The following UNC13D variants were observed in gnomAD, a reference collection of about 807,000 sequenced individuals.
UNC13D encodes unc-13 homolog D.
Under a neutral mutation model 151.7 loss-of-function variants are expected in UNC13D, and 115 were observed. The ratio of observed to expected loss-of-function variants is 0.76; its 90% confidence interval spans 0.65 to 0.88. The LOEUF (loss-of-function observed/expected upper bound fraction) is 0.88. Among genes scored for constraint, UNC13D ranks in the 40% least tolerant of loss-of-function variants. The pLI, the probability that UNC13D is intolerant of heterozygous loss-of-function variation, is 0.00. For synonymous variants in UNC13D, 588 were observed against 612.2 expected (o/e 0.96, Z 0.58); for missense variants, 1,369 against 1,438.7 (o/e 0.95, Z 0.78).
Position 75,844,330 on chromosome 17 carries a change from G to A in UNC13D, c.8C>T (p.Thr3Ile). 1.9e-6 allele frequency: 3 copies of A among 1,610,168 alleles called. No individual in the cohort carries two copies. The highest frequency in any genetic ancestry group is 2.2e-5 in the South Asian group (2 of 90,692). Residue 3 changes from threonine to isoleucine, a missense_variant, in exon 1 of 32, where the codon ACA becomes ATA. By Grantham distance (89) the Thr-to-Ile change is moderately conservative (BLOSUM62 -1). Coordinates refer to ENST00000207549, the MANE Select transcript of UNC13D (RefSeq NM_199242.3). The part of the protein sequence containing the change: MA[T>I]LLSHPQQRPP... The stretch of plus-strand genomic sequence containing the variant: ...GCGCTGCTGCGGATGGGAGAGGAGT[G>A]TCGCCATGGTGGCCTTCTCTGCCCT...
Position 75,834,974 on chromosome 17 carries a change from C to T in UNC13D, c.1938G>A (p.Gln646=). ...CFAQISHTAR[Q]LDWPDPEEAF... is the part of the protein sequence containing the mutation. ...CCTCCTCTGGGTCTGGCCAGTCCAG[C>T]TGCCGGGCAGTGTGGCTGATCTGGG... is the stretch of plus-strand genomic sequence containing the variant. The change falls in exon 21 of 32, where the codon CAG becomes CAA. Residue 646 remains glutamine (Q), a synonymous_variant. Coordinates refer to ENST00000207549, the MANE Select transcript of UNC13D (RefSeq NM_199242.3). The T allele has an allele frequency of 6.2e-7, 1 of 1,614,140 alleles. No homozygotes were observed. Among genetic ancestry groups the T allele is most frequent in the African/African-American group, 1.3e-5 (1 of 75,042 alleles).
In UNC13D at chr17:75,831,142, C is replaced by T. The variant is rs758000434; in HGVS notation, c.2581G>A (p.Gly861Ser). 5 of 1,613,926 alleles carry T rather than the reference C, an allele frequency of 3.1e-6. No individual in the cohort carries two copies. Among genetic ancestry groups the T allele is most frequent in the Non-Finnish European group, 3.4e-6 (4 of 1,180,046 alleles). The change falls in exon 27 of 32, where the codon GGC (glycine) becomes AGC (serine). Residue 861 changes from glycine to serine, a missense_variant. Coordinates refer to ENST00000207549, the MANE Select transcript of UNC13D (RefSeq NM_199242.3). ...QNLEICFHAE[G>S]CGLPPKALHT... ...AGGGCCTTGGGTGGCAGGCCACAGC[C>T]CTCAGCGTGGAAGCAGATCTCCAGG...
At chr17:75,834,005 G>A in intron 24 of UNC13D, 70 bp downstream of exon 24, 1 of 1,584,218 alleles carries the variant, frequency 6.3e-7, no homozygotes, top group South Asian at 1.1e-5. Flanking sequence ...TTGACACCAA[G>A]GCCTTCAATG....
chr17:75,840,195 G>T lies in UNC13D; in HGVS notation c.858+30C>A, dbSNP rs375127386. On this transcript the variant is annotated intron_variant, in intron 10 of 31. Coordinates refer to ENST00000207549, the MANE Select transcript of UNC13D (RefSeq NM_199242.3). The surrounding 1 kb of genome is among the most constrained non-coding windows in gnomAD (Gnocchi z 4.6). ...CCCAGCAGACCGCCGCAAGAGCTGGGCATGGCCACTGGCCCAGTACCCGAC... is the reference window on the plus strand; with the variant it reads ...CCCAGCAGACCGCCGCAAGAGCTGGTCATGGCCACTGGCCCAGTACCCGAC... 3 of 1,613,208 alleles carry T rather than the reference G, an allele frequency of 1.9e-6. No homozygotes were observed. Among genetic ancestry groups the T allele is most frequent in the South Asian group, 2.2e-5 (2 of 91,044 alleles).
chr17:75,843,668 C>T, intron 1 of UNC13D, 149 bp from the exon 2 acceptor site: 1 of 1,485,490 alleles, frequency 6.7e-7, no homozygotes, highest in Non-Finnish European at 8.9e-7. Flanking sequence ...CGCACCTGTT[C>T]CCCCAGCAGG....
chr17:75,829,328 C>T (rs1483050947), intron 30 of UNC13D, among the ~76,000 whole-genome samples: 1 of 152,210 alleles, frequency 6.6e-6, no homozygotes, highest in African/African-American at 2.4e-5. Flanking sequence ...CGGAGTCTTG[C>T]TCTGTCACCT....
At chr17:75,835,251 A>G in intron 20 of UNC13D, 158 bp downstream of exon 20, 3 of 1,351,198 alleles carry the variant, frequency 2.2e-6, no homozygotes, top group Non-Finnish European at 3.0e-6. Flanking sequence ...CCCCAAGGAT[A>G]TCCAGAGGCA....
At chr17:75,836,724 C>T in intron 13 of UNC13D, 28 bp from the exon 14 acceptor site, 1 of 1,613,460 alleles carries the variant, frequency 6.2e-7, no homozygotes, top group Non-Finnish European at 8.5e-7. Flanking sequence ...GCTTTAGGGG[C>T]CTAGACAGCT....
Position 75,840,772 on chromosome 17 carries a change from C to T in UNC13D, c.673G>A (p.Gly225Arg). 6.2e-7 allele frequency: 1 copy of T among 1,614,022 alleles called. No homozygotes were observed. The highest frequency in any genetic ancestry group is 8.5e-7 in the Non-Finnish European group (1 of 1,180,040). ...CCCTGCAACACGAACCTGCGAAGCCCATGCAGATCCGTGAGCTCCCCAAGC... is the reference window on the plus strand; with the variant it reads ...CCCTGCAACACGAACCTGCGAAGCCTATGCAGATCCGTGAGCTCCCCAAGC... Reference protein sequence around the residue: ...QKLGELTDLHGLRRIFKEARK... With the variant: ...QKLGELTDLHRLRRIFKEARK... The change falls in exon 8 of 32, where the codon GGG (glycine) becomes AGG (arginine). Residue 225 changes from glycine to arginine, a missense_variant. Gly to Arg is a moderately radical substitution (Grantham distance 125). This residue lies in a region of UNC13D where 550 missense variants were observed against 609.0 expected (regional missense o/e 0.90). Coordinates refer to ENST00000207549, the MANE Select transcript of UNC13D (RefSeq NM_199242.3). The surrounding 1 kb of genome is among the most constrained non-coding windows in gnomAD (Gnocchi z 4.6).
Position 75,834,104 on chromosome 17 carries a change from C to T in UNC13D, c.2338G>A (p.Gly780Ser). Reference protein sequence around the residue: ...GIAKHIQKLVGVRESVLPEDA... With the variant: ...GIAKHIQKLVSVRESVLPEDA... ...TCAGGCAGGACAGACTCCCTGACGC[C>T]CACCAGTTTCTGGATGTGCTTGGCG... Residue 780 changes from glycine to serine, a missense_variant, in exon 24 of 32, where the codon GGC (glycine) becomes AGC (serine). This residue lies in a region of UNC13D where 807 missense variants were observed against 795.5 expected (regional missense o/e 1.01). Coordinates refer to ENST00000207549, the MANE Select transcript of UNC13D (RefSeq NM_199242.3). 1.2e-6 allele frequency: 2 copies of T among 1,613,812 alleles called. No homozygotes were observed. The highest frequency in any genetic ancestry group is 1.7e-6 in the Non-Finnish European group (2 of 1,180,022).
rs771488254 is a variant in UNC13D, at chr17:75,843,359, G to C, written c.154-93C>G. 1.5e-5 allele frequency: 23 copies of C among 1,572,740 alleles called. No homozygotes were observed. In the East Asian group the frequency reaches 5.3e-4, roughly 36 times the overall value. ...GCAGGACAAGGGCGGCTTGTGCAGCGGAGGGAGTTGAGACCCAGGAGTCCC... is the reference window on the plus strand; with the variant it reads ...GCAGGACAAGGGCGGCTTGTGCAGCCGAGGGAGTTGAGACCCAGGAGTCCC... On this transcript the variant is annotated intron_variant, in intron 2 of 31. Transcript: ENST00000207549.
In UNC13D at chr17:75,836,189, C is replaced by A. The variant is rs766052152; in HGVS notation, c.1446+11G>T. 5.6e-6 allele frequency: 9 copies of A among 1,610,176 alleles called. No homozygotes were observed. Among genetic ancestry groups the A allele is most frequent in the Non-Finnish European group, 7.6e-6 (9 of 1,178,776 alleles). Reference sequence around the variant, plus strand: ...GTGACCCCCTGCCCTCCCCCTTGCCCAGCCCCTCACCTGCACCATGGGTTG... The same window carrying A: ...GTGACCCCCTGCCCTCCCCCTTGCCAAGCCCCTCACCTGCACCATGGGTTG... On this transcript the variant is annotated intron_variant, in intron 16 of 31. Transcript: ENST00000207549.
At position 75,832,947 on chromosome 17, in the gene UNC13D, G is replaced by A. The variant is rs775204018; in HGVS notation, c.2447+19C>T. ...AGGGGGAGGTGGCGAGCGCGCCCAG[G>A]GCAGGGGCTGCTACAGACCTGCTGA... is the stretch of plus-strand genomic sequence containing the variant. On this transcript the variant is annotated intron_variant, in intron 25 of 31. Transcript: ENST00000207549. This position sits in a 1 kb window ranked among gnomAD's most constrained non-coding sequence, Gnocchi z 4.3. The A allele has an allele frequency of 4.0e-4, 625 of 1,569,184 alleles. 1 individual carries two copies. Among genetic ancestry groups the A allele is most frequent in the Non-Finnish European group, 4.6e-4 (531 of 1,156,248 alleles).
At position 75,842,646 on chromosome 17, in the gene UNC13D, G is replaced by T. The variant is rs1365252597; in HGVS notation, c.389-33C>A. On this transcript the variant is annotated intron_variant, in intron 5 of 31. Coordinates refer to ENST00000207549, the MANE Select transcript of UNC13D (RefSeq NM_199242.3). Reference sequence around the variant, plus strand: ...GGAGTGGGGAAGACGAGGCAGCCAGGGAGTCGGCTGGGTCCCTGGGAGAGG... The same window carrying T: ...GGAGTGGGGAAGACGAGGCAGCCAGTGAGTCGGCTGGGTCCCTGGGAGAGG... The T allele has an allele frequency of 2.5e-6, 4 of 1,609,308 alleles. No individual in the cohort carries two copies. In the African/African-American group the frequency reaches 4.0e-5, roughly 16 times the overall value.
chr17:75,844,098 C>A, intron 1 of UNC13D, 123 bp downstream of exon 1: 1 of 1,511,834 alleles, frequency 6.6e-7, no homozygotes, highest in Non-Finnish European at 9.0e-7. Context: ...GTGGAGTAGG[C>A]AGGGGAGGGT....
chr17:75,844,350 T>C lies in UNC13D; in HGVS notation c.-13A>G. The C allele has an allele frequency of 4.4e-6, 7 of 1,601,556 alleles. No homozygotes were observed. The highest frequency in any genetic ancestry group is 6.0e-6 in the Non-Finnish European group (7 of 1,174,964). On this transcript the variant is annotated 5_prime_UTR_variant, in exon 1 of 32. Coordinates refer to ENST00000207549, the MANE Select transcript of UNC13D (RefSeq NM_199242.3). ...GGAGTGTCGCCATGGTGGCCTTCTC[T>C]GCCCTTCCCTGTCCGCTGGTGCTGG... is the stretch of plus-strand genomic sequence containing the variant.
At chr17:75,842,221 GC>G (rs907693335) in intron 6 of UNC13D, among the ~76,000 whole-genome samples, 1 of 152,126 alleles carries the variant, frequency 6.6e-6, no homozygotes, top group Non-Finnish European at 1.5e-5. Flanking sequence ...GACCCTCCTT[GC>G]CCCATCAGCA....
rs2064865824 is a variant in UNC13D at position 75,830,674 on chromosome 17, A to G, written c.2626-13T>C. On this transcript the variant is annotated splice_polypyrimidine_tract_variant and intron_variant, in intron 27 of 31. Transcript: ENST00000207549. ...CCCTCTGCAGAGCCTGGGAACACAT[A>G]CAGCTGAGGATCCACCTGGACTGCA... The G allele has an allele frequency of 6.4e-7, 1 of 1,553,170 alleles. No individual in the cohort carries two copies.
chr17:75,828,100 G>A lies in UNC13D; in HGVS notation c.3152-14C>T. 2 of 1,570,472 alleles carry A rather than the reference G, an allele frequency of 1.3e-6. No individual in the cohort carries two copies. The highest frequency in any genetic ancestry group is 1.2e-5 in the South Asian group (1 of 85,776). On this transcript the variant is annotated splice_polypyrimidine_tract_variant and intron_variant, in intron 31 of 31. Coordinates refer to ENST00000207549, the MANE Select transcript of UNC13D (RefSeq NM_199242.3). ...GGATTGGGTCCCCTGCGGAGAGAGG[G>A]GTTTGGGGGTCAGATGCCAGGGGAG... is the stretch of plus-strand genomic sequence containing the variant.
Sources: gnomAD v4.1 joint callset for allele counts (sites outside exome capture counted in the v4.1 genomes callset) on GRCh38, gnomAD v4.1.1 for gene constraint, gnomAD v4.1.1 regional missense constraint, Gnocchi (gnomAD v3.1) non-coding constraint, MANE v1.5 for transcripts, NCBI Gene and HGNC (gene_info 2026-07-23, HGNC 2026-07-21) for gene names.